The following ITK variants were observed in gnomAD, a reference collection of about 807,000 sequenced individuals.
ITK encodes the protein IL2 inducible T cell kinase.
A neutral mutation model predicts 87.6 loss-of-function variants in ITK; 45 were observed. The ratio of observed to expected loss-of-function variants is 0.51; its 90% CI spans 0.40 to 0.66. The LOEUF is 0.66. Ranked by LOEUF, ITK falls within the 30% of genes least tolerant of loss-of-function variation. The pLI, the probability that ITK is intolerant of heterozygous loss-of-function variation, is 0.00. For synonymous variants in ITK, 303 were observed against 273.6 expected (o/e 1.11, Z -1.06); for missense variants, 605 against 766.3 (o/e 0.79, Z 2.48).
rs1755169900 is a variant in ITK at position 157,252,822 on chromosome 5, G to A, written c.*144G>A. ...GTGGCATCAGTCCCTGAGTCACCAT[G>A]GAAGCAGCATCCTGACCACAGCTGG... On this transcript the variant is annotated 3_prime_UTR_variant, in exon 17 of 17. Transcript: ENST00000422843. 2.8e-6 allele frequency: 2 copies of A among 714,046 alleles called. No individual in the cohort carries two copies. The highest frequency in any genetic ancestry group is 5.1e-6 in the Non-Finnish European group (2 of 392,394). 44.2% of individuals were successfully genotyped at this position (714,046 alleles called of 1,614,324 possible). A position where few individuals can be genotyped will look rare whatever the true frequency, so the allele number is the denominator to read the frequency against.
chr5:157,217,706 C>T (rs553878238), intron 4 of ITK, among the ~76,000 whole-genome samples, 161 bp from the exon 5 acceptor site: 1 of 152,284 alleles, frequency 6.6e-6, no homozygotes, highest in South Asian at 2.1e-4. Context: ...TCTGACAAGG[C>T]CAAGTCAGGT....
chr5:157,207,202 A>G (rs1754096490), intron 1 of ITK, among the ~76,000 whole-genome samples: 1 of 152,016 alleles, frequency 6.6e-6, no homozygotes, highest in South Asian at 2.1e-4. Flanking sequence ...GAGACAGACT[A>G]ATTTGCCTTC....
chr5:157,192,358 C>A (rs1353672915), intron 1 of ITK, among the ~76,000 whole-genome samples: 3 of 152,086 alleles, frequency 2.0e-5, no homozygotes, highest in Non-Finnish European at 4.4e-5. Flanking sequence ...TATCAAGGAG[C>A]AAATGAAATA....
At chr5:157,195,166 G>T (rs1186268592) in intron 1 of ITK, 4 of 152,280 alleles carry the variant, frequency 2.6e-5, no homozygotes, top group South Asian at 4.2e-4. Context: ...GAGCAAATGA[G>T]CCTCCTGCCA....
chr5:157,203,949 G>A (rs1754025599), intron 1 of ITK, among the ~76,000 whole-genome samples: 1 of 152,138 alleles, frequency 6.6e-6, no homozygotes, highest in South Asian at 2.1e-4. Context: ...TATGGGGAAG[G>A]GTGGGATAAT....
At chr5:157,211,981 G>A (rs1754200381) in intron 3 of ITK, among the ~76,000 whole-genome samples, 1 of 152,190 alleles carries the variant, frequency 6.6e-6, no homozygotes, top group African/African-American at 2.4e-5. Flanking sequence ...TCAGACCATT[G>A]GTAAGGGTAT....
At position 157,201,996 on chromosome 5, in the gene ITK, G is replaced by A. The variant is rs188295875; in HGVS notation, c.139-6893G>A. ...TTTTCAATTCCCACCCTCCACCCTC[G>A]AGTAGGTGCCGGTATCTGTGGTGCC... On this transcript the variant is annotated intron_variant, in intron 1 of 16. Transcript: ENST00000422843. Among the ~76,000 whole-genome samples the A allele has an allele frequency of 3.8e-3, 571 of 152,210 alleles. 1 individual carries two copies. Among genetic ancestry groups the A allele is most frequent in the Non-Finnish European group, 5.2e-3 (354 of 68,002 alleles).
intron 2 of ITK, among the ~76,000 whole-genome samples, chr5:157,209,303 C>G (rs536331593): frequency 6.6e-6 from 1 of 151,004 alleles, no homozygotes; most frequent in East Asian, 1.9e-4. Context: ...TTCACTCCAG[C>G]CCAGGCAACA....
rs577305220 is a variant in ITK at position 157,214,221 on chromosome 5, A to G, written c.356A>G (p.Lys119Arg). The change falls in exon 4 of 17, where the codon AAA (lysine) becomes AGA (arginine). Residue 119 changes from lysine (K) to arginine (R), a missense_variant. Lys to Arg is a conservative substitution (Grantham distance 26). This residue lies in a region of ITK where 464 missense variants were observed against 578.0 expected (regional missense o/e 0.80). Coordinates refer to ENST00000422843, the MANE Select transcript of ITK (RefSeq NM_005546.4). The stretch of plus-strand genomic sequence containing the variant: ...AGGAATAATAACAGTTTGGTGCCTA[A>G]ATATCATCCTAATTTCTGGATGGAT... ...ETRNNNSLVP[K>R]YHPNFWMDGK... 30 of 1,609,568 alleles carry G rather than the reference A, an allele frequency of 1.9e-5. No individual in the cohort carries two copies. The Admixed American group carries it at 4.8e-4, about 26-fold the overall frequency.
intron 3 of ITK, among the ~76,000 whole-genome samples, chr5:157,212,632 G>C (rs1754213199): frequency 6.6e-6 from 1 of 152,204 alleles, no homozygotes; most frequent in African/African-American, 2.4e-5. Context: ...GCTACAGTGA[G>C]CCATGCTCAT....
intron 2 of ITK, among the ~76,000 whole-genome samples, chr5:157,209,822 T>C (rs1164072433): frequency 2.0e-5 from 3 of 152,210 alleles, no homozygotes; most frequent in Non-Finnish European, 2.9e-5. Context: ...AAAATTCAGC[T>C]TCTTAGTCAC....
chr5:157,182,757 C>T (rs547569345), intron 1 of ITK, among the ~76,000 whole-genome samples: 36 of 152,126 alleles, frequency 2.4e-4, no homozygotes, highest in Non-Finnish European at 4.0e-4. Flanking sequence ...TTCACCAGTT[C>T]GTTTTTCTGA....
chr5:157,210,307 C>T (rs925406848), intron 2 of ITK, among the ~76,000 whole-genome samples: 1 of 152,078 alleles, frequency 6.6e-6, no homozygotes, highest in African/African-American at 2.4e-5. Flanking sequence ...TCCTGCTTGC[C>T]AACCTGAGGG....
chr5:157,213,953 T>C (rs1210099467), intron 3 of ITK, among the ~76,000 whole-genome samples: 1 of 152,192 alleles, frequency 6.6e-6, no homozygotes, highest in Non-Finnish European at 1.5e-5. Context: ...AACACATAAC[T>C]AATGCAAGGC....
chr5:157,251,164 T>C (rs1450851104), intron 16 of ITK, among the ~76,000 whole-genome samples: 1 of 152,236 alleles, frequency 6.6e-6, no homozygotes, highest in East Asian at 1.9e-4. Flanking sequence ...AGTTCCTTAT[T>C]AGCATTCATT....
chr5:157,220,819 C>CAT (rs1327183292), intron 5 of ITK, among the ~76,000 whole-genome samples: 1 of 152,064 alleles, frequency 6.6e-6, no homozygotes, highest in Non-Finnish European at 1.5e-5. Flanking sequence ...ACTAATATAA[C>CAT]ATATATATAC....
intron 1 of ITK, among the ~76,000 whole-genome samples, chr5:157,191,052 G>C (rs1352974939): frequency 6.6e-6 from 1 of 152,188 alleles, no homozygotes; most frequent in Middle Eastern, 3.2e-3. Flanking sequence ...ACAGTCTCCT[G>C]CAGTGGTCTC....
At chr5:157,224,577 C>A (rs746590038) in intron 6 of ITK, among the ~76,000 whole-genome samples, 1 of 151,840 alleles carries the variant, frequency 6.6e-6, no homozygotes, top group Non-Finnish European at 1.5e-5. Flanking sequence ...GTCAGGAGTT[C>A]AAGACCAACC....
intron 9 of ITK, among the ~76,000 whole-genome samples, chr5:157,239,269 C>T (rs777581738): frequency 6.6e-6 from 1 of 152,194 alleles, no homozygotes. Flanking sequence ...GGAAAAGACA[C>T]ATGGGACAAA....
Sources: gnomAD v4.1 joint callset for allele counts (sites outside exome capture counted in the v4.1 genomes callset) on GRCh38, gnomAD v4.1.1 for gene constraint, gnomAD v4.1.1 regional missense constraint, MANE v1.5 for transcripts, NCBI Gene and HGNC (gene_info 2026-07-23, HGNC 2026-07-21) for gene names.